Variants in CNTN4 observed in about 807,000 individuals in gnomAD.
The protein encoded by CNTN4 is contactin-4.
A neutral mutation model predicts 122.5 loss-of-function variants in CNTN4; 77 were observed. The observed-to-expected ratio is 0.63, with a 90% CI of 0.52 to 0.76. The LOEUF (loss-of-function observed/expected upper bound fraction) is 0.76, where lower values mean the gene tolerates loss of function less well. Ranked by LOEUF, CNTN4 falls within the 30% of genes least tolerant of loss-of-function variation. CNTN4 has a pLI of 0.00. For synonymous variants in CNTN4, 512 were observed against 447.0 expected, an observed-to-expected ratio of 1.15 and a Z score of -1.83; for missense variants, 1,256 against 1,259.1, an observed-to-expected ratio of 1.00 and a Z score of 0.04.
intron 6 of CNTN4, among the ~76,000 whole-genome samples, chr3:2,795,755 G>C (rs935097242): frequency 1.3e-5 from 2 of 151,780 alleles, no homozygotes; most frequent in Admixed American, 6.6e-5. Flanking sequence ...CTCCTGACCT[G>C]GTGATCCACC....
chr3:2,521,751 C>T (rs940623652), intron 3 of CNTN4, among the ~76,000 whole-genome samples: 7 of 152,008 alleles, frequency 4.6e-5, no homozygotes, highest in Non-Finnish European at 7.4e-5. Context: ...TTCGGACTTC[C>T]CTTTGGTAAC....
chr3:2,633,974 A>G (rs1177498564), intron 4 of CNTN4, among the ~76,000 whole-genome samples: 3 of 152,204 alleles, frequency 2.0e-5, no homozygotes, highest in African/African-American at 4.8e-5. Flanking sequence ...ATGCTTGCCT[A>G]CTCTCTACAA....
At chr3:2,538,052 T>C (rs2077879718) in intron 3 of CNTN4, among the ~76,000 whole-genome samples, 1 of 152,032 alleles carries the variant, frequency 6.6e-6, no homozygotes, top group Non-Finnish European at 1.5e-5. Flanking sequence ...ATGTAATTAC[T>C]TAAGGTGATA....
intron 4 of CNTN4, among the ~76,000 whole-genome samples, chr3:2,657,713 A>G (rs2083658026): frequency 1.3e-5 from 2 of 152,038 alleles, no homozygotes. Context: ...TTGGGTAGAG[A>G]TAGATATTCA....
chr3:2,731,057 A>G (rs550750471), intron 4 of CNTN4, among the ~76,000 whole-genome samples: 85 of 151,324 alleles, frequency 5.6e-4, no homozygotes, highest in African/African-American at 2.0e-3. Context: ...TCCATTACAG[A>G]TGTGGTCATT....
intron 5 of CNTN4, among the ~76,000 whole-genome samples, chr3:2,743,125 A>G (rs1448851697): frequency 1.3e-5 from 2 of 152,114 alleles, no homozygotes; most frequent in Admixed American, 6.6e-5. Context: ...AAAGACTCAC[A>G]TGGCCCCACT....
At chr3:2,992,859 C>A (rs1330490061) in intron 14 of CNTN4, among the ~76,000 whole-genome samples, 1 of 151,934 alleles carries the variant, frequency 6.6e-6, no homozygotes, top group Non-Finnish European at 1.5e-5. Flanking sequence ...TACATGCATG[C>A]CACCTAGCAA....
intron 6 of CNTN4, among the ~76,000 whole-genome samples, chr3:2,803,540 T>C (rs1320722212): frequency 6.6e-6 from 1 of 151,466 alleles, no homozygotes; most frequent in Non-Finnish European, 1.5e-5. Context: ...ATATTAACTA[T>C]ATTAACTGTG....
At chr3:2,222,349 A>G (rs2039093169) in intron 2 of CNTN4, among the ~76,000 whole-genome samples, 1 of 152,162 alleles carries the variant, frequency 6.6e-6, no homozygotes, top group African/African-American at 2.4e-5. Context: ...AGGCAAATCC[A>G]TAGAGACAGA....
intron 2 of CNTN4, among the ~76,000 whole-genome samples, chr3:2,177,859 A>G (rs867658284): frequency 1.2e-4 from 18 of 152,206 alleles, no homozygotes; most frequent in South Asian, 4.1e-4. Flanking sequence ...GTTTGACCAA[A>G]CAACTGGGCC....
intron 3 of CNTN4, among the ~76,000 whole-genome samples, chr3:2,399,774 A>G (rs1381841478): frequency 6.6e-6 from 1 of 152,070 alleles, no homozygotes; most frequent in East Asian, 1.9e-4. Flanking sequence ...GGTCTGTTAT[A>G]TGGATTCTAA....
At chr3:2,114,296 CA>C (rs2033182827) in intron 2 of CNTN4, among the ~76,000 whole-genome samples, 2 of 151,234 alleles carry the variant, frequency 1.3e-5, no homozygotes, top group African/African-American at 4.9e-5. Context: ...CAAAAAAAAA[CA>C]AAAAAATACA....
chr3:3,034,295 A>G (rs1699413983), intron 16 of CNTN4, among the ~76,000 whole-genome samples: 1 of 152,202 alleles, frequency 6.6e-6, no homozygotes, highest in African/African-American at 2.4e-5. Context: ...TTAGGAACCT[A>G]TAAATAAATA....
chr3:2,478,428 A>G (rs2075891988), intron 3 of CNTN4, among the ~76,000 whole-genome samples: 1 of 149,184 alleles, frequency 6.7e-6, no homozygotes, highest in Non-Finnish European at 1.5e-5. Context: ...TTTATTTCCA[A>G]CTTTTATTTT....
At chr3:2,843,205 A>G (rs2093395318) in intron 7 of CNTN4, among the ~76,000 whole-genome samples, 1 of 152,158 alleles carries the variant, frequency 6.6e-6, no homozygotes, top group Non-Finnish European at 1.5e-5. Context: ...GGGCACTTCC[A>G]TTCATCCAGT....
chr3:2,275,573 AT>A lies in CNTN4; in HGVS notation c.-144-63604del, dbSNP rs763574230. The stretch of plus-strand genomic sequence containing the variant: ...TTATATATTATATACATTTAAGTAT[AT>A]GCAGTGAGTTTCACAATTACATGTT... On this transcript the variant is annotated intron_variant, in intron 2 of 24. Coordinates refer to ENST00000418658, the MANE Select transcript of CNTN4 (RefSeq NM_175607.3). 6.6e-4 allele frequency among the ~76,000 whole-genome samples: 101 copies of A among 152,274 alleles called. 1 individual carries two copies. The highest frequency in any genetic ancestry group is 6.8e-3 in the Middle Eastern group (2 of 294).
intron 2 of CNTN4, among the ~76,000 whole-genome samples, chr3:2,104,250 G>A (rs2032243124): frequency 7.0e-6 from 1 of 141,978 alleles, no homozygotes; most frequent in African/African-American, 2.5e-5. Flanking sequence ...GTGTGTGTGT[G>A]TGTGTGCGTT....
intron 2 of CNTN4, among the ~76,000 whole-genome samples, chr3:2,194,629 A>G (rs772163624): frequency 2.0e-4 from 31 of 152,204 alleles, no homozygotes; most frequent in Non-Finnish European, 2.4e-4. Context: ...TAATTAATTT[A>G]CATAATGTCA....
chr3:2,264,680 G>A (rs1406231981), intron 2 of CNTN4, among the ~76,000 whole-genome samples: 1 of 151,720 alleles, frequency 6.6e-6, no homozygotes, highest in Non-Finnish European at 1.5e-5. Context: ...CTGTGCTTTT[G>A]AGGCCTTACC....
Sources: gnomAD v4.1 joint callset for allele counts (sites outside exome capture counted in the v4.1 genomes callset) on GRCh38, gnomAD v4.1.1 for gene constraint, MANE v1.5 for transcripts, NCBI Gene and HGNC (gene_info 2026-07-23, HGNC 2026-07-21) for gene names.